KCNH7: variants seen among roughly 807,000 people sequenced by gnomAD.
The protein encoded by KCNH7 is potassium voltage-gated channel subfamily H member 7, also known as voltage-gated inwardly rectifying potassium channel KCNH7.
KCNH7 carries 49 observed loss-of-function variants against 120.8 expected under a neutral mutation model. The ratio of observed to expected loss-of-function variants is 0.41; its 90% CI spans 0.32 to 0.51. KCNH7 has a LOEUF of 0.51. KCNH7 is among the 20% of genes least tolerant of loss of function. KCNH7 has a pLI of 0.38. For missense variants in KCNH7, 1,097 were observed against 1,446.6 expected, an observed-to-expected ratio of 0.76 and a Z score of 3.92; for synonymous variants, 547 against 516.1, an observed-to-expected ratio of 1.06 and a Z score of -0.81.
chr2:162,583,500 G>A (rs942333712), intron 2 of KCNH7, among the ~76,000 whole-genome samples: 1 of 151,848 alleles, frequency 6.6e-6, no homozygotes. Flanking sequence ...TAAGTATAAT[G>A]GTAAAGAAAG....
chr2:162,807,967 C>T (rs1573913436), intron 2 of KCNH7, among the ~76,000 whole-genome samples: 1 of 152,196 alleles, frequency 6.6e-6, no homozygotes, highest in East Asian at 1.9e-4. Flanking sequence ...CAGGCGTGAG[C>T]CACCGCTCCC....
chr2:162,691,701 A>T (rs889423977), intron 2 of KCNH7, among the ~76,000 whole-genome samples: 5 of 152,156 alleles, frequency 3.3e-5, no homozygotes, highest in Non-Finnish European at 1.5e-5. Flanking sequence ...CATTGAAATA[A>T]GGCTAAAAAC....
intron 2 of KCNH7, among the ~76,000 whole-genome samples, chr2:162,766,579 C>A (rs1351634780): frequency 1.3e-5 from 2 of 152,050 alleles, no homozygotes; most frequent in Admixed American, 6.6e-5. Flanking sequence ...TTGTTTGATT[C>A]CTATTTATTT....
At chr2:162,591,804 T>C (rs1306926543) in intron 2 of KCNH7, among the ~76,000 whole-genome samples, 1 of 152,120 alleles carries the variant, frequency 6.6e-6, no homozygotes, top group African/African-American at 2.4e-5. Context: ...TAAAATTTAA[T>C]CCTCATTATT....
rs532901515 is a variant in KCNH7, at chr2:162,774,816, T to C, written c.307+61721A>G. On this transcript the variant is annotated intron_variant, in intron 2 of 15. Transcript: ENST00000332142. ...CGAGTCTCCTTTGTTTACGAATGTG[T>C]ATGCATCCACACTTGTTTCCTGGAA... Among the ~76,000 whole-genome samples the C allele has an allele frequency of 2.6e-5, 4 of 152,182 alleles. No individual in the cohort carries two copies. In the South Asian group the frequency reaches 8.3e-4, roughly 31 times the overall value.
chr2:162,499,970 A>G (rs1283287615), intron 6 of KCNH7, among the ~76,000 whole-genome samples: 1 of 152,002 alleles, frequency 6.6e-6, no homozygotes, highest in Non-Finnish European at 1.5e-5. Context: ...CTGCACACAC[A>G]GTGTTTACCC....
intron 2 of KCNH7, among the ~76,000 whole-genome samples, chr2:162,813,131 A>T (rs900698479): frequency 1.3e-5 from 2 of 152,182 alleles, no homozygotes; most frequent in Non-Finnish European, 2.9e-5. Context: ...AACAAAGACT[A>T]GGGAGACAGG....
chr2:162,574,384 A>T (rs940654699), intron 2 of KCNH7, among the ~76,000 whole-genome samples: 37 of 151,754 alleles, frequency 2.4e-4, no homozygotes, highest in African/African-American at 8.2e-4. Context: ...TAAAGTATTA[A>T]TTTTCTCTTC....
intron 2 of KCNH7, among the ~76,000 whole-genome samples, chr2:162,782,502 T>C (rs181472001): frequency 6.6e-6 from 1 of 151,920 alleles, no homozygotes; most frequent in African/African-American, 2.4e-5. Context: ...CAAGGAACAA[T>C]GAGAAGGCCA....
chr2:162,535,944 G>T (rs903941788), intron 3 of KCNH7, among the ~76,000 whole-genome samples: 3 of 151,712 alleles, frequency 2.0e-5, no homozygotes, highest in African/African-American at 7.2e-5. Flanking sequence ...AATAATGTTA[G>T]AACAATGAGT....
chr2:162,724,465 G>A (rs1044131300), intron 2 of KCNH7, among the ~76,000 whole-genome samples: 5 of 151,888 alleles, frequency 3.3e-5, no homozygotes, highest in African/African-American at 1.2e-4. Flanking sequence ...GAGGTCAGGA[G>A]ATTGAGACCA....
rs1344098334 is a variant in KCNH7, at chr2:162,458,499, A to G, written c.1129-12056T>C. Among the ~76,000 whole-genome samples, 3 of 152,030 alleles carry G rather than the reference A, an allele frequency of 2.0e-5. No homozygotes were observed. The East Asian group carries it at 5.8e-4, about 29-fold the overall frequency. On this transcript the variant is annotated intron_variant, in intron 6 of 15. Coordinates refer to ENST00000332142, the MANE Select transcript of KCNH7 (RefSeq NM_033272.4). ...GCTGATACCAGATGGTCTCTAGTCT[A>G]ATGCTTGTTTCCTTGCCTCCCCTCC...
At chr2:162,801,945 T>G (rs2105544990) in intron 2 of KCNH7, among the ~76,000 whole-genome samples, 1 of 151,938 alleles carries the variant, frequency 6.6e-6, no homozygotes, top group Non-Finnish European at 1.5e-5. Flanking sequence ...AATCTCAGTC[T>G]ATTAGAACAA....
intron 2 of KCNH7, among the ~76,000 whole-genome samples, chr2:162,690,043 C>T (rs1405960917): frequency 1.3e-5 from 2 of 152,100 alleles, no homozygotes; most frequent in African/African-American, 4.8e-5. Context: ...GAATAATATG[C>T]AACCATAAAA....
intron 6 of KCNH7, among the ~76,000 whole-genome samples, chr2:162,469,517 T>C (rs1182391986): frequency 7.6e-6 from 1 of 132,378 alleles, no homozygotes; most frequent in Middle Eastern, 3.5e-3. Context: ...TTAAAGGATA[T>C]GTGCTTTTGG....
chr2:162,755,407 G>A (rs184297467), intron 2 of KCNH7, among the ~76,000 whole-genome samples: 1 of 152,286 alleles, frequency 6.6e-6, no homozygotes, highest in African/African-American at 2.4e-5. Context: ...AGGTGGCAGA[G>A]GTTGTGGTGA....
chr2:162,669,763 G>A (rs745836824), intron 2 of KCNH7, among the ~76,000 whole-genome samples: 28 of 152,058 alleles, frequency 1.8e-4, no homozygotes, highest in Admixed American at 5.2e-4. Context: ...GAATTGTCTC[G>A]TCCCAAATGT....
At chr2:162,386,496 G>A (rs981449988) in intron 12 of KCNH7, among the ~76,000 whole-genome samples, 2 of 151,784 alleles carry the variant, frequency 1.3e-5, no homozygotes, top group African/African-American at 4.8e-5. Context: ...CCTCATACCT[G>A]CTTAGTGAAT....
At chr2:162,823,243 A>AC (rs199544299) in intron 2 of KCNH7, among the ~76,000 whole-genome samples, 1 of 151,344 alleles carries the variant, frequency 6.6e-6, no homozygotes, top group South Asian at 2.1e-4. Context: ...AAATTGAAAA[A>AC]AAAAGATTTT....
Sources: allele counts gnomAD v4.1 joint callset (sites outside exome capture counted in the v4.1 genomes callset), GRCh38; gene constraint gnomAD v4.1.1; transcripts MANE v1.5; gene names NCBI Gene and HGNC (gene_info 2026-07-23, HGNC 2026-07-21).